Variants in CDH13 observed in about 807,000 individuals in gnomAD.
CDH13 encodes cadherin 13.
Under a neutral mutation model 63.8 loss-of-function variants are expected in CDH13, and 24 were observed. That is an observed-to-expected ratio of 0.38 (90% CI 0.27 to 0.53). The LOEUF (loss-of-function observed/expected upper bound fraction) is 0.53. Ranked by LOEUF, CDH13 falls within the 20% of genes least tolerant of loss-of-function variation. The pLI, the probability that CDH13 is intolerant of heterozygous loss-of-function variation, is 0.85. For synonymous variants in CDH13, 503 were observed against 355.3 expected, an observed-to-expected ratio of 1.42 and a Z score of -4.67; for missense variants, 1,049 against 903.1, an observed-to-expected ratio of 1.16 and a Z score of -2.07.
intron 2 of CDH13, among the ~76,000 whole-genome samples, chr16:83,005,435 G>C (rs568413007): frequency 6.6e-6 from 1 of 152,228 alleles, no homozygotes; most frequent in South Asian, 2.1e-4. Flanking sequence ...CTGCAGGCAC[G>C]GTACTTCCAT....
At chr16:82,719,388 G>T (rs1176104914) in intron 1 of CDH13, 63 of 455,860 alleles carry the variant, frequency 1.4e-4, no homozygotes, top group Non-Finnish European at 6.2e-5. Context: ...GCAAGTCCCA[G>T]TTCCAGGCCC....
chr16:82,825,907 G>T (rs2038226230), intron 1 of CDH13: 1 of 152,072 alleles, frequency 6.6e-6, no homozygotes, highest in Admixed American at 6.6e-5. Context: ...AGGCTGGAGT[G>T]CAGTGGTGCG....
At chr16:83,487,996 G>A (rs981039582) in intron 7 of CDH13, among the ~76,000 whole-genome samples, 3 of 152,180 alleles carry the variant, frequency 2.0e-5, no homozygotes, top group African/African-American at 7.2e-5. Context: ...GTTGGCATGT[G>A]CTAATTAGGT....
intron 3 of CDH13, among the ~76,000 whole-genome samples, chr16:83,055,703 C>T (rs140153560): frequency 6.6e-6 from 1 of 152,008 alleles, no homozygotes; most frequent in Non-Finnish European, 1.5e-5. Flanking sequence ...TATGCAAACT[C>T]TTCTGTAAAA....
chr16:82,976,751 C>T (rs1381080459), intron 2 of CDH13, among the ~76,000 whole-genome samples: 4 of 152,234 alleles, frequency 2.6e-5, no homozygotes, highest in East Asian at 1.9e-4. Context: ...GTGCTGAGCA[C>T]GAAAATGCAC....
At chr16:82,973,421 C>G (rs377575330) in intron 2 of CDH13, among the ~76,000 whole-genome samples, 4 of 152,288 alleles carry the variant, frequency 2.6e-5, no homozygotes, top group South Asian at 2.1e-4. Flanking sequence ...GACACCCGCT[C>G]CAGATGTCTT....
chr16:83,688,746 A>G (rs1311233757), intron 10 of CDH13, among the ~76,000 whole-genome samples: 1 of 152,174 alleles, frequency 6.6e-6, no homozygotes, highest in Non-Finnish European at 1.5e-5. Context: ...TTGTAAGTTT[A>G]TGGTAGCAAT....
At chr16:82,820,706 A>G (rs1014809951) in intron 1 of CDH13, among the ~76,000 whole-genome samples, 12 of 152,218 alleles carry the variant, frequency 7.9e-5, no homozygotes, top group Non-Finnish European at 1.6e-4. Flanking sequence ...TTCTTGATGT[A>G]AATGTGAGAC....
At chr16:83,758,420 T>C (rs965336621) in intron 11 of CDH13, among the ~76,000 whole-genome samples, 5 of 152,068 alleles carry the variant, frequency 3.3e-5, no homozygotes, top group African/African-American at 9.7e-5. Flanking sequence ...TTTTTTAAAA[T>C]AATGTTTAGC....
intron 1 of CDH13, chr16:82,719,419 C>G: frequency 2.2e-6 from 1 of 455,950 alleles, no homozygotes. Context: ...TGTCCAATGG[C>G]TTGGAGTCTG....
intron 2 of CDH13, among the ~76,000 whole-genome samples, chr16:82,966,908 C>T (rs761742520): frequency 1.4e-4 from 22 of 152,148 alleles, no homozygotes; most frequent in Non-Finnish European, 2.8e-4. Flanking sequence ...ATCTAATCAA[C>T]ACACTTAATT....
At chr16:82,742,657 C>T (rs1176346319) in intron 1 of CDH13, among the ~76,000 whole-genome samples, 1 of 152,108 alleles carries the variant, frequency 6.6e-6, no homozygotes, top group Admixed American at 6.5e-5. Flanking sequence ...AAAGTAACTG[C>T]AATGAGGACT....
At chr16:83,549,061 G>C (rs913916365) in intron 7 of CDH13, among the ~76,000 whole-genome samples, 4 of 152,176 alleles carry the variant, frequency 2.6e-5, no homozygotes, top group East Asian at 1.9e-4. Context: ...CAGATCAAGA[G>C]TGCTCTGAAA....
intron 5 of CDH13, among the ~76,000 whole-genome samples, chr16:83,264,893 C>G (rs368400292): frequency 6.6e-6 from 1 of 151,902 alleles, no homozygotes. Flanking sequence ...ATTTATTATC[C>G]CTTTATATTC....
At chr16:83,372,824 G>T (rs1387729436) in intron 6 of CDH13, among the ~76,000 whole-genome samples, 1 of 151,588 alleles carries the variant, frequency 6.6e-6, no homozygotes, top group Admixed American at 6.6e-5. Context: ...TTTCTGTGGG[G>T]AAACTTGCAA....
intron 1 of CDH13, among the ~76,000 whole-genome samples, chr16:82,628,241 T>A (rs1389579694): frequency 1.2e-3 from 184 of 151,884 alleles, no homozygotes; most frequent in African/African-American, 4.1e-3. Flanking sequence ...AGCCTGCAAG[T>A]GGGTGGATAA....
intron 1 of CDH13, among the ~76,000 whole-genome samples, chr16:82,737,714 C>G (rs192285180): frequency 2.0e-5 from 3 of 152,324 alleles, no homozygotes; most frequent in East Asian, 3.9e-4. Context: ...ATAGAGGACA[C>G]CTTCCCCATA....
intron 7 of CDH13, among the ~76,000 whole-genome samples, chr16:83,542,329 C>T (rs561863929): frequency 9.2e-5 from 14 of 152,292 alleles, no homozygotes; most frequent in Non-Finnish European, 7.4e-5. Flanking sequence ...GGATTGCAAA[C>T]TACTGCTCCA....
chr16:83,540,234 C>G (rs530063794), intron 7 of CDH13, among the ~76,000 whole-genome samples: 4 of 151,966 alleles, frequency 2.6e-5, no homozygotes, highest in Non-Finnish European at 5.9e-5. Context: ...TCGTGATCAA[C>G]TCAGTATACC....
Sources: gnomAD v4.1 joint callset for allele counts (sites outside exome capture counted in the v4.1 genomes callset) on GRCh38, gnomAD v4.1.1 for gene constraint, MANE v1.5 for transcripts, NCBI Gene and HGNC (gene_info 2026-07-23, HGNC 2026-07-21) for gene names.